RGS6: variants seen among roughly 807,000 people sequenced by gnomAD.
The protein encoded by RGS6 is regulator of G protein signaling 6, also known as regulator of G-protein signaling 6.
Under a neutral mutation model 78.5 loss-of-function variants are expected in RGS6, and 30 were observed. The ratio of observed to expected loss-of-function variants is 0.38; its 90% CI spans 0.29 to 0.52. RGS6 has a LOEUF of 0.52. Ranked by LOEUF, RGS6 falls within the 20% of genes least tolerant of loss-of-function variation. RGS6 has a pLI of 0.85. For missense variants in RGS6, 495 were observed against 609.7 expected (o/e 0.81, Z 1.98); for synonymous variants, 206 against 206.0 (o/e 1.00, Z 0.00).
At chr14:72,572,848 A>G in the RGS6 span, among the ~76,000 whole-genome samples, 1 of 152,052 alleles carries the variant, frequency 6.6e-6, no homozygotes, top group Non-Finnish European at 1.5e-5. Flanking sequence ...AAACAAAAAC[A>G]GAAAAAAAGA....
At chr14:72,387,249 A>T (rs2088403579) in intron 3 of RGS6, among the ~76,000 whole-genome samples, 1 of 152,110 alleles carries the variant, frequency 6.6e-6, no homozygotes, top group South Asian at 2.1e-4. Flanking sequence ...TGGTTTCCTT[A>T]TAAAAAAAAG....
At chr14:72,317,927 C>T (rs1303112396) in intron 2 of RGS6, among the ~76,000 whole-genome samples, 1 of 152,180 alleles carries the variant, frequency 6.6e-6, no homozygotes, top group African/African-American at 2.4e-5. Context: ...CAGTCCAAGT[C>T]CCAAACGATT....
the RGS6 span, among the ~76,000 whole-genome samples, chr14:71,901,185 C>T: frequency 0.012 from 1,816 of 151,736 alleles, 82 homozygotes; most frequent in East Asian, 0.15. Flanking sequence ...TTATTTGAGC[C>T]GATTCTATGG....
At chr14:72,283,442 T>C (rs547222636) in intron 2 of RGS6, among the ~76,000 whole-genome samples, 33 of 152,178 alleles carry the variant, frequency 2.2e-4, no homozygotes, top group Non-Finnish European at 4.3e-4. Flanking sequence ...TGGGAGATAA[T>C]TGATTCATGG....
chr14:72,324,651 C>T (rs1477791747), intron 2 of RGS6, among the ~76,000 whole-genome samples: 1 of 152,052 alleles, frequency 6.6e-6, no homozygotes, highest in East Asian at 1.9e-4. Flanking sequence ...TGATGGTTTC[C>T]AGCTTCATCC....
At chr14:72,555,721 C>CTGT (rs943360014) in intron 17 of RGS6, among the ~76,000 whole-genome samples, 3 of 152,256 alleles carry the variant, frequency 2.0e-5, no homozygotes, top group African/African-American at 7.2e-5. Flanking sequence ...CCGTTTGAGT[C>CTGT]TGTTTCCTTG....
intron 3 of RGS6, among the ~76,000 whole-genome samples, chr14:72,431,577 T>C (rs1355128039): frequency 7.0e-6 from 1 of 143,100 alleles, no homozygotes; most frequent in Non-Finnish European, 1.6e-5. Flanking sequence ...AGACACGGGA[T>C]TTCACCATGT....
intron 3 of RGS6, among the ~76,000 whole-genome samples, chr14:72,410,550 T>C (rs1427396519): frequency 6.6e-6 from 1 of 152,242 alleles, no homozygotes; most frequent in Non-Finnish European, 1.5e-5. Context: ...TTTCTTTTGC[T>C]GTGCAGAAGC....
intron 2 of RGS6, among the ~76,000 whole-genome samples, chr14:72,123,488 TC>T (rs999575074): frequency 1.3e-5 from 2 of 152,138 alleles, no homozygotes; most frequent in Non-Finnish European, 2.9e-5. Context: ...TGCCTCAGTT[TC>T]CCCATATTTT....
At chr14:72,226,533 T>C (rs1326207027) in intron 2 of RGS6, among the ~76,000 whole-genome samples, 1 of 152,222 alleles carries the variant, frequency 6.6e-6, no homozygotes, top group Non-Finnish European at 1.5e-5. Context: ...TTTTATATCA[T>C]GCATATGCTG....
the RGS6 span, among the ~76,000 whole-genome samples, chr14:71,925,136 G>A: frequency 6.6e-6 from 1 of 151,992 alleles, no homozygotes; most frequent in Non-Finnish European, 1.5e-5. Context: ...CACTCATTGT[G>A]GCTTTGGTTT....
intron 2 of RGS6, among the ~76,000 whole-genome samples, chr14:72,161,542 C>T (rs2096853658): frequency 6.6e-6 from 1 of 152,146 alleles, no homozygotes. Flanking sequence ...TCAGTGATGA[C>T]CCCAGAGCCA....
intron 2 of RGS6, among the ~76,000 whole-genome samples, chr14:72,345,835 T>C (rs947739639): frequency 6.6e-6 from 1 of 152,228 alleles, no homozygotes; most frequent in Non-Finnish European, 1.5e-5. Context: ...AAAATCGCAA[T>C]GCATTGTGTC....
chr14:72,507,340 T>C (rs1033773491), intron 13 of RGS6, among the ~76,000 whole-genome samples: 2 of 152,200 alleles, frequency 1.3e-5, no homozygotes, highest in African/African-American at 2.4e-5. Flanking sequence ...AGCTGTCCAA[T>C]AGAGCATGGC....
intron 2 of RGS6, among the ~76,000 whole-genome samples, chr14:72,039,659 G>C (rs568104663): frequency 6.6e-6 from 1 of 152,072 alleles, no homozygotes; most frequent in Non-Finnish European, 1.5e-5. Context: ...TCTGTCTTTT[G>C]ATTGAGGCAT....
At chr14:72,580,239 T>C in the RGS6 span, among the ~76,000 whole-genome samples, 1 of 150,932 alleles carries the variant, frequency 6.6e-6, no homozygotes, top group Non-Finnish European at 1.5e-5. Context: ...GCATCCTAAA[T>C]CTTAAAATGT....
chr14:72,397,461 G>T (rs2091585111), intron 3 of RGS6, among the ~76,000 whole-genome samples: 1 of 151,630 alleles, frequency 6.6e-6, no homozygotes, highest in African/African-American at 2.4e-5. Flanking sequence ...TGAGACGATG[G>T]GGTTTTCTAG....
At chr14:72,388,790 T>C (rs2089083325) in intron 3 of RGS6, among the ~76,000 whole-genome samples, 2 of 152,166 alleles carry the variant, frequency 1.3e-5, no homozygotes, top group Admixed American at 1.3e-4. Context: ...TCACTTTACT[T>C]TACTTCTTTG....
At chr14:72,597,733 G>T in the RGS6 span, among the ~76,000 whole-genome samples, 1 of 152,192 alleles carries the variant, frequency 6.6e-6, no homozygotes, top group African/African-American at 2.4e-5. Flanking sequence ...GGCCCTGACG[G>T]ACATTGGACT....
Sources: allele counts gnomAD v4.1 joint callset (sites outside exome capture counted in the v4.1 genomes callset), GRCh38; gene constraint gnomAD v4.1.1; transcripts MANE v1.5; gene names NCBI Gene and HGNC (gene_info 2026-07-23, HGNC 2026-07-21).